The following BMPER variants were observed in gnomAD, a reference collection of about 807,000 sequenced individuals.
BMPER encodes the protein BMP-binding endothelial regulator protein.
In BMPER, 45 loss-of-function variants were observed where a neutral mutation model predicts 87.3. The ratio of observed to expected loss-of-function variants is 0.52; its 90% CI spans 0.41 to 0.66. BMPER has a LOEUF of 0.66. BMPER is among the 30% of genes least tolerant of loss of function. The pLI is 0.00. For missense variants in BMPER, 784 were observed against 867.5 expected (o/e 0.90, Z 1.21); for synonymous variants, 326 against 316.2 (o/e 1.03, Z -0.33).
At chr7:34,087,632 C>T (rs1789252258) in intron 13 of BMPER, among the ~76,000 whole-genome samples, 1 of 152,194 alleles carries the variant, frequency 6.6e-6, no homozygotes, top group African/African-American at 2.4e-5. Flanking sequence ...AGTCAGCGCT[C>T]TATAATTGTT....
chr7:34,006,390 G>T (rs974937), intron 6 of BMPER, among the ~76,000 whole-genome samples: 45,164 of 151,794 alleles, frequency 0.3, 7,246 homozygotes, highest in African/African-American at 0.4. Context: ...CCTAAAATTA[G>T]CTTGTATTTT....
intron 13 of BMPER, among the ~76,000 whole-genome samples, chr7:34,100,495 C>T (rs563352837): frequency 6.6e-6 from 1 of 152,300 alleles, no homozygotes; most frequent in South Asian, 2.1e-4. Flanking sequence ...ACGCAGCCAA[C>T]CCCTTCTGCT....
chr7:33,906,133 G>A (rs540413041), intron 1 of BMPER, among the ~76,000 whole-genome samples: 1 of 152,144 alleles, frequency 6.6e-6, no homozygotes, highest in Non-Finnish European at 1.5e-5. Flanking sequence ...TGTGCTAGGA[G>A]TGCTTTTTAA....
intron 13 of BMPER, among the ~76,000 whole-genome samples, chr7:34,135,810 A>G (rs1790703442): frequency 6.6e-6 from 1 of 152,190 alleles, no homozygotes; most frequent in African/African-American, 2.4e-5. Context: ...CCTGAAACAA[A>G]CAGAGCTCCA....
chr7:34,146,796 G>A (rs968013214), intron 14 of BMPER, among the ~76,000 whole-genome samples: 3 of 151,810 alleles, frequency 2.0e-5, no homozygotes, highest in African/African-American at 7.3e-5. Context: ...AGAGCACTGT[G>A]GAAAAAAAAG....
At chr7:34,073,517 A>C (rs979615711) in intron 11 of BMPER, among the ~76,000 whole-genome samples, 8 of 152,358 alleles carry the variant, frequency 5.3e-5, no homozygotes, top group African/African-American at 1.9e-4. Flanking sequence ...TGTTGATGGA[A>C]ACATCATTAT....
chr7:33,949,438 T>C (rs1784967826), intron 3 of BMPER, among the ~76,000 whole-genome samples: 1 of 152,180 alleles, frequency 6.6e-6, no homozygotes, highest in Non-Finnish European at 1.5e-5. Flanking sequence ...TCTGTGTGCA[T>C]GTTTCATTTC....
At chr7:33,928,922 G>A (rs34004279) in intron 2 of BMPER, among the ~76,000 whole-genome samples, 1 of 152,094 alleles carries the variant, frequency 6.6e-6, no homozygotes, top group Admixed American at 6.6e-5. Context: ...CACGATTCTG[G>A]CCAGACAGAA....
intron 6 of BMPER, among the ~76,000 whole-genome samples, chr7:33,975,677 G>T (rs1003260183): frequency 2.6e-5 from 4 of 152,064 alleles, no homozygotes; most frequent in African/African-American, 9.7e-5. Flanking sequence ...TTATAATAAA[G>T]AACATACATT....
chr7:33,940,127 A>G (rs1585658158), intron 3 of BMPER: 1 of 160,832 alleles, frequency 6.2e-6, no homozygotes, highest in Non-Finnish European at 1.4e-5. Context: ...CTCACCATCC[A>G]GAAATAGCAA....
chr7:33,978,728 C>T (rs1018800191), intron 6 of BMPER, among the ~76,000 whole-genome samples: 4 of 152,126 alleles, frequency 2.6e-5, no homozygotes, highest in Non-Finnish European at 5.9e-5. Context: ...GTTAAAAATG[C>T]GTTTAACACA....
At chr7:33,905,438 T>TCCCCC, upstream of BMPER, 1 of 23,006 alleles carries the variant, frequency 4.3e-5, no homozygotes, top group Admixed American at 6.0e-4. Context: ...CCTTGGTCTC[T>TCCCCC]CCCCCCGCCC....
At position 34,039,651 on chromosome 7, in the gene BMPER, A is replaced by G. The variant is rs1465166924; in HGVS notation, c.577-6655A>G. 2.7e-5 allele frequency among the ~76,000 whole-genome samples: 4 copies of G among 147,702 alleles called. 1 individual carries two copies. The South Asian group carries it at 8.7e-4, about 32-fold the overall frequency. ...ACACACACACACACACACTTATACC[A>G]CTGTGGTGTATACATGCCCAGATGT... On this transcript the variant is annotated intron_variant, in intron 6 of 14. Transcript: ENST00000649409.
intron 11 of BMPER, among the ~76,000 whole-genome samples, chr7:34,078,135 G>A (rs1374235655): frequency 6.6e-6 from 1 of 152,050 alleles, no homozygotes; most frequent in South Asian, 2.1e-4. Flanking sequence ...TTGAATTAAT[G>A]ATATTTCAGA....
At chr7:34,147,852 T>C (rs1158801148) in intron 14 of BMPER, among the ~76,000 whole-genome samples, 1 of 152,202 alleles carries the variant, frequency 6.6e-6, no homozygotes, top group African/African-American at 2.4e-5. Flanking sequence ...TTTTAAGAAA[T>C]GATCTTATGT....
At chr7:33,945,505 G>A (rs1389831802) in intron 3 of BMPER, among the ~76,000 whole-genome samples, 2 of 152,014 alleles carry the variant, frequency 1.3e-5, no homozygotes, top group Non-Finnish European at 2.9e-5. Context: ...ACCCGCCTCG[G>A]CCTCCCAGAG....
chr7:34,099,102 A>G (rs1789609429), intron 13 of BMPER, among the ~76,000 whole-genome samples: 1 of 152,054 alleles, frequency 6.6e-6, no homozygotes, highest in Non-Finnish European at 1.5e-5. Flanking sequence ...TACACTTTTG[A>G]GTGCTCACTA....
intron 13 of BMPER, among the ~76,000 whole-genome samples, chr7:34,096,685 T>C (rs1200994765): frequency 1.3e-5 from 2 of 151,984 alleles, no homozygotes; most frequent in African/African-American, 4.8e-5. Flanking sequence ...AGACCAGATA[T>C]TCAGAAGTGT....
intron 11 of BMPER, among the ~76,000 whole-genome samples, chr7:34,070,327 C>T (rs778644119): frequency 6.6e-6 from 1 of 152,204 alleles, no homozygotes; most frequent in Admixed American, 6.5e-5. Flanking sequence ...CATATCCCAG[C>T]TGCACAAGAT....
Sources: gnomAD v4.1 joint callset for allele counts (sites outside exome capture counted in the v4.1 genomes callset) on GRCh38, gnomAD v4.1.1 for gene constraint, MANE v1.5 for transcripts, NCBI Gene and HGNC (gene_info 2026-07-23, HGNC 2026-07-21) for gene names.